ANKRD31: variants seen among roughly 807,000 people sequenced by gnomAD.
ANKRD31 encodes the protein ankyrin repeat domain-containing protein 31.
ANKRD31 carries 147 observed loss-of-function variants against 186.0 expected under a neutral mutation model. The observed-to-expected ratio is 0.79, with a 90% CI of 0.69 to 0.91. ANKRD31 has a LOEUF of 0.91. ANKRD31 is among the 40% of genes least tolerant of loss of function. The pLI is 0.00. For synonymous variants in ANKRD31, 673 were observed against 736.4 expected, an observed-to-expected ratio of 0.91 and a Z score of 1.39; for missense variants, 1,986 against 2,148.8, an observed-to-expected ratio of 0.92 and a Z score of 1.50.
intron 17 of ANKRD31, among the ~76,000 whole-genome samples, chr5:75,123,546 C>T (rs1748961736): frequency 6.6e-6 from 1 of 151,796 alleles, no homozygotes; most frequent in African/African-American, 2.4e-5. Context: ...AATTATACTG[C>T]AAGGTTATAA....
At chr5:75,194,713 T>C (rs1449011630) in intron 7 of ANKRD31, among the ~76,000 whole-genome samples, 1 of 152,106 alleles carries the variant, frequency 6.6e-6, no homozygotes, top group African/African-American at 2.4e-5. Flanking sequence ...GTGCTACATT[T>C]GCTGACATTG....
chr5:75,209,027 T>C (rs2150283149), intron 4 of ANKRD31, among the ~76,000 whole-genome samples: 1 of 152,314 alleles, frequency 6.6e-6, no homozygotes. Context: ...TTTCCCCCTC[T>C]ACCCCTAAAA....
intron 11 of ANKRD31, among the ~76,000 whole-genome samples, chr5:75,165,516 T>G (rs776859863): frequency 6.6e-6 from 1 of 152,160 alleles, no homozygotes; most frequent in African/African-American, 2.4e-5. Flanking sequence ...AAGTCTGAAA[T>G]GAAAATATCA....
chr5:75,227,104 GA>G (rs1207647010), intron 2 of ANKRD31, among the ~76,000 whole-genome samples: 7 of 152,114 alleles, frequency 4.6e-5, no homozygotes, highest in Admixed American at 3.9e-4. Flanking sequence ...ATTCAGCCAT[GA>G]AAAAGAATGA....
At chr5:75,112,970 T>C (rs1048824634) in intron 19 of ANKRD31, among the ~76,000 whole-genome samples, 1 of 152,198 alleles carries the variant, frequency 6.6e-6, no homozygotes, top group Non-Finnish European at 1.5e-5. Context: ...GCCTTATGAT[T>C]TTCATTGCAC....
chr5:75,158,812 G>A (rs1020185533), intron 11 of ANKRD31, among the ~76,000 whole-genome samples: 1 of 151,844 alleles, frequency 6.6e-6, no homozygotes, highest in African/African-American at 2.4e-5. Flanking sequence ...GAGATAGTGA[G>A]AAGGAGAGAA....
intron 7 of ANKRD31, 100 bp from the exon 8 acceptor site, chr5:75,193,691 T>C: frequency 9.1e-7 from 1 of 1,097,406 alleles, no homozygotes; most frequent in Non-Finnish European, 1.3e-6. Context: ...TAAATTAAAA[T>C]GCCTATTATA....
intron 22 of ANKRD31, among the ~76,000 whole-genome samples, chr5:75,101,207 A>T (rs988791959): frequency 3.3e-5 from 5 of 152,150 alleles, no homozygotes; most frequent in Admixed American, 6.5e-5. Context: ...TGGATATGAA[A>T]TTCTGGGTTG....
intron 24 of ANKRD31, 105 bp from the exon 25 acceptor site, chr5:75,080,744 T>G: frequency 1.7e-6 from 1 of 600,474 alleles, no homozygotes; most frequent in Non-Finnish European, 2.7e-6. Flanking sequence ...CAAATAGCTC[T>G]TCCTTGACAT....
chr5:75,131,860 C>A (rs1183267675), intron 17 of ANKRD31, among the ~76,000 whole-genome samples: 2 of 152,204 alleles, frequency 1.3e-5, no homozygotes, highest in Non-Finnish European at 2.9e-5. Flanking sequence ...CCAATATTGG[C>A]TGTTCTGCAG....
chr5:75,074,045 C>G, intron 25 of ANKRD31, among the ~76,000 whole-genome samples: 1 of 152,172 alleles, frequency 6.6e-6, no homozygotes, highest in East Asian at 1.9e-4. Flanking sequence ...CCATCCCCAA[C>G]TCCACTCAAG....
intron 10 of ANKRD31, among the ~76,000 whole-genome samples, chr5:75,176,932 T>C (rs1471025314): frequency 6.6e-6 from 1 of 151,708 alleles, no homozygotes; most frequent in East Asian, 1.9e-4. Context: ...ATCAAACTAC[T>C]CCGAGCTAAA....
Position 75,146,435 on chromosome 5 carries a change from G to A in ANKRD31, c.2976C>T (p.Cys992=), listed in dbSNP as rs966132920. 31 of 1,536,262 alleles carry A rather than the reference G, an allele frequency of 2.0e-5. No homozygotes were observed. The highest frequency in any genetic ancestry group is 2.2e-5 in the Non-Finnish European group (25 of 1,146,432). ...ISEHVANYEQ[C]IFGPSFDHSN... is the part of the protein sequence containing the mutation. ...AGTGATCAAAAGAAGGTCCAAATAT[G>A]CATTGTTCATAATTTGCAACATGTT... Residue 992 remains cysteine (C), a synonymous_variant, in exon 14 of 26, where the codon TGC becomes TGT. Coordinates refer to ENST00000506364, the MANE Select transcript of ANKRD31 (RefSeq NM_001372053.1).
At chr5:75,220,859 G>A (rs1757255070) in intron 3 of ANKRD31, among the ~76,000 whole-genome samples, 1 of 152,074 alleles carries the variant, frequency 6.6e-6, no homozygotes, top group African/African-American at 2.4e-5. Flanking sequence ...CAGCACTTTG[G>A]GAGGTCAAAG....
At chr5:75,090,455 G>A (rs1310758326) in intron 23 of ANKRD31, among the ~76,000 whole-genome samples, 1 of 152,130 alleles carries the variant, frequency 6.6e-6, no homozygotes, top group East Asian at 1.9e-4. Context: ...GAGGGAGAGT[G>A]GGCAGACCTG....
chr5:75,155,562 C>T (rs1222830249), intron 11 of ANKRD31, among the ~76,000 whole-genome samples: 1 of 152,000 alleles, frequency 6.6e-6, no homozygotes, highest in East Asian at 1.9e-4. Flanking sequence ...ATCTTAGTAT[C>T]TTACGTGAAG....
chr5:75,077,931 CAAAAAAAAAAAAA>C (rs56910458), intron 25 of ANKRD31, among the ~76,000 whole-genome samples: 2 of 66,732 alleles, frequency 3.0e-5, no homozygotes, highest in Admixed American at 3.4e-4. Context: ...GACTCCGTCT[CAAAAAAAAAAAAA>C]AAAAAAAAAA....
intron 3 of ANKRD31, among the ~76,000 whole-genome samples, chr5:75,214,708 T>C (rs568212730): frequency 2.6e-5 from 4 of 152,304 alleles, no homozygotes; most frequent in Admixed American, 2.0e-4. Context: ...AGATAGAAGA[T>C]GGAGGCTGCA....
intron 11 of ANKRD31, among the ~76,000 whole-genome samples, chr5:75,157,759 G>A (rs1314041742): frequency 5.3e-5 from 8 of 152,126 alleles, no homozygotes; most frequent in African/African-American, 7.2e-5. Context: ...TGTGACACAC[G>A]GTAAACTCAC....
Sources: gnomAD v4.1 joint callset for allele counts (sites outside exome capture counted in the v4.1 genomes callset) on GRCh38, gnomAD v4.1.1 for gene constraint, MANE v1.5 for transcripts, NCBI Gene and HGNC (gene_info 2026-07-23, HGNC 2026-07-21) for gene names.